The following SCAPER variants were observed in gnomAD, a reference collection of about 807,000 sequenced individuals.
The protein encoded by SCAPER is S phase cyclin A-associated protein in the endoplasmic reticulum.
A neutral mutation model predicts 182.2 loss-of-function variants in SCAPER; 98 were observed. That is an observed-to-expected ratio of 0.54 (90% CI 0.46 to 0.64). SCAPER has a LOEUF of 0.64. Among genes scored for constraint, SCAPER ranks in the 30% least tolerant of loss-of-function variants. SCAPER has a pLI of 0.00. For synonymous variants in SCAPER, 605 were observed against 564.6 expected (o/e 1.07, Z -1.01); for missense variants, 1,432 against 1,690.0 (o/e 0.85, Z 2.68).
intron 4 of SCAPER, among the ~76,000 whole-genome samples, chr15:76,853,268 A>G (rs1019148115): frequency 2.0e-5 from 3 of 152,224 alleles, no homozygotes; most frequent in African/African-American, 7.2e-5. Context: ...AGCTGGTACT[A>G]TTCCTACTGA....
chr15:76,653,953 T>C (rs377034033), intron 21 of SCAPER, among the ~76,000 whole-genome samples: 1 of 152,106 alleles, frequency 6.6e-6, no homozygotes, highest in South Asian at 2.1e-4. Flanking sequence ...ATTCAGAAAC[T>C]ATGCATCCAA....
chr15:76,866,320 A>G (rs1229611237), intron 2 of SCAPER, among the ~76,000 whole-genome samples: 1 of 152,080 alleles, frequency 6.6e-6, no homozygotes, highest in Non-Finnish European at 1.5e-5. Flanking sequence ...TTCTAAGTCA[A>G]GAGTCTTCAC....
chr15:76,394,721 A>G (rs2043933025), intron 27 of SCAPER, among the ~76,000 whole-genome samples: 1 of 152,214 alleles, frequency 6.6e-6, no homozygotes, highest in Admixed American at 6.5e-5. Flanking sequence ...TTGTGGGTAC[A>G]CAGTAGGTAT....
chr15:76,842,518 A>G (rs958614538), intron 4 of SCAPER, among the ~76,000 whole-genome samples: 44 of 152,138 alleles, frequency 2.9e-4, no homozygotes, highest in African/African-American at 1.0e-3. Context: ...TGATTGTATG[A>G]GTTTCCTGAG....
chr15:76,431,336 C>T (rs1004316212), intron 26 of SCAPER, among the ~76,000 whole-genome samples: 1 of 152,088 alleles, frequency 6.6e-6, no homozygotes, highest in Non-Finnish European at 1.5e-5. Context: ...TATGGGTGGC[C>T]ATACTTTGAA....
At chr15:76,877,498 CAG>C (rs1320413376) in intron 2 of SCAPER, among the ~76,000 whole-genome samples, 4 of 152,140 alleles carry the variant, frequency 2.6e-5, no homozygotes, top group African/African-American at 9.6e-5. Context: ...AAAGAGAAAA[CAG>C]AAACTTTAAA....
At chr15:76,620,987 A>G (rs59195449) in intron 22 of SCAPER, among the ~76,000 whole-genome samples, 14,392 of 152,192 alleles carry the variant, frequency 0.095, 847 homozygotes, top group African/African-American at 0.16. Context: ...CACATCCTGC[A>G]CATGTACTGC....
chr15:76,414,515 A>T (rs1596497083), intron 26 of SCAPER, among the ~76,000 whole-genome samples: 1 of 152,046 alleles, frequency 6.6e-6, no homozygotes, highest in South Asian at 2.1e-4. Flanking sequence ...ATGAAGGCTG[A>T]TTTTTTATAA....
At chr15:76,561,052 C>A (rs2046580322) in intron 23 of SCAPER, among the ~76,000 whole-genome samples, 1 of 151,998 alleles carries the variant, frequency 6.6e-6, no homozygotes, top group Non-Finnish European at 1.5e-5. Context: ...TTCCGAGAAC[C>A]CAGACTTACA....
chr15:76,701,420 C>T (rs2058940739), intron 20 of SCAPER, among the ~76,000 whole-genome samples: 1 of 152,142 alleles, frequency 6.6e-6, no homozygotes, highest in Non-Finnish European at 1.5e-5. Flanking sequence ...AAATTATCCT[C>T]TTAAGTGAAA....
chr15:76,543,876 A>G (rs759418757), intron 23 of SCAPER, among the ~76,000 whole-genome samples: 4 of 152,218 alleles, frequency 2.6e-5, no homozygotes, highest in Admixed American at 6.5e-5. Flanking sequence ...TTTGCTTCAA[A>G]GACATCATCA....
intron 17 of SCAPER, among the ~76,000 whole-genome samples, chr15:76,713,381 A>G (rs1438073426): frequency 6.6e-6 from 1 of 151,970 alleles, no homozygotes; most frequent in Non-Finnish European, 1.5e-5. Flanking sequence ...AACCAACCCA[A>G]ATGTCCAACA....
At chr15:76,644,420 AT>A (rs1597889474) in intron 21 of SCAPER, among the ~76,000 whole-genome samples, 1 of 152,152 alleles carries the variant, frequency 6.6e-6, no homozygotes, top group Non-Finnish European at 1.5e-5. Flanking sequence ...TTTCTAAAGA[AT>A]TTCTTACTTT....
At position 76,348,747 on chromosome 15, in the gene SCAPER, G is replaced by C. The variant is rs1446296656; in HGVS notation, c.4100-11C>G. The C allele has an allele frequency of 2.1e-6, 3 of 1,448,334 alleles. No homozygotes were observed. Among genetic ancestry groups the C allele is most frequent in the African/African-American group, 2.9e-5 (2 of 69,316 alleles). The allele number at this position is 1,448,334 out of a possible 1,614,324, so 89.7% of individuals were successfully genotyped here. The stretch of plus-strand genomic sequence containing the variant: ...AACCAAGGCATTTCCCTGAGAGGGG[G>C]ATAAAAGAGAAAAAAGTTAAATAAA... On this transcript the variant is annotated splice_polypyrimidine_tract_variant and intron_variant, in intron 31 of 31. Transcript: ENST00000563290.
intron 5 of SCAPER, among the ~76,000 whole-genome samples, chr15:76,817,420 G>A (rs1220634816): frequency 3.3e-5 from 5 of 152,148 alleles, no homozygotes; most frequent in South Asian, 2.1e-4. Flanking sequence ...AGGTCAGGGG[G>A]AGGAAGGAAA....
intron 29 of SCAPER, among the ~76,000 whole-genome samples, chr15:76,374,738 C>T (rs897764237): frequency 1.3e-5 from 2 of 151,848 alleles, no homozygotes; most frequent in African/African-American, 4.8e-5. Context: ...CCACCTGCCT[C>T]GGCTTCCCAA....
chr15:76,737,534 C>A (rs1187103577), intron 15 of SCAPER, among the ~76,000 whole-genome samples: 4 of 152,220 alleles, frequency 2.6e-5, no homozygotes, highest in Non-Finnish European at 4.4e-5. Flanking sequence ...AGAATTTTCA[C>A]AATGGTTAAG....
chr15:76,724,773 C>A (rs1450939778), intron 17 of SCAPER, among the ~76,000 whole-genome samples: 2 of 152,160 alleles, frequency 1.3e-5, no homozygotes, highest in Non-Finnish European at 2.9e-5. Context: ...GTTTTCAGCT[C>A]TATCAGGTCC....
At chr15:76,877,190 G>A (rs891155995) in intron 2 of SCAPER, among the ~76,000 whole-genome samples, 1 of 149,606 alleles carries the variant, frequency 6.7e-6, no homozygotes, top group African/African-American at 2.5e-5. Context: ...TTGCCTGGGT[G>A]ACAGAGACCC....
Sources: gnomAD v4.1 joint callset for allele counts (sites outside exome capture counted in the v4.1 genomes callset) on GRCh38, gnomAD v4.1.1 for gene constraint, MANE v1.5 for transcripts, NCBI Gene and HGNC (gene_info 2026-07-23, HGNC 2026-07-21) for gene names.